GLIS3: variants seen among roughly 807,000 people sequenced by gnomAD.
The protein encoded by GLIS3 is zinc finger protein GLIS3.
Under a neutral mutation model 78.6 loss-of-function variants are expected in GLIS3, and 53 were observed. That is an observed-to-expected ratio of 0.67 (90% CI 0.54 to 0.85). The LOEUF (loss-of-function observed/expected upper bound fraction) is 0.85, where lower values mean the gene tolerates loss of function less well. GLIS3 is among the 40% of genes least tolerant of loss of function. The probability of loss-of-function intolerance (pLI) is 0.00; values close to 1 mark genes in which losing one functional copy is unlikely to be tolerated. For synonymous variants in GLIS3, 684 were observed against 509.9 expected (o/e 1.34, Z -4.60); for missense variants, 1,703 against 1,231.1 (o/e 1.38, Z -5.74).
chr9:3,922,630 G>C (rs948691563), intron 6 of GLIS3, among the ~76,000 whole-genome samples: 1 of 152,098 alleles, frequency 6.6e-6, no homozygotes, highest in Non-Finnish European at 1.5e-5. Context: ...GGGAAGGATA[G>C]GAGAGAAGTT....
At chr9:4,300,959 C>T (rs1817045546), upstream of GLIS3, among the ~76,000 whole-genome samples, 2 of 152,004 alleles carry the variant, frequency 1.3e-5, no homozygotes, top group African/African-American at 4.8e-5. Flanking sequence ...TTCACAAGTC[C>T]TTATATTCTA....
At chr9:4,421,727 A>G in the GLIS3 span, among the ~76,000 whole-genome samples, 1 of 152,214 alleles carries the variant, frequency 6.6e-6, no homozygotes, top group South Asian at 2.1e-4. Flanking sequence ...TAGACACAGA[A>G]AAGTCCCTTC....
intron 2 of GLIS3, among the ~76,000 whole-genome samples, chr9:4,201,092 C>T (rs1304058154): frequency 6.6e-6 from 1 of 152,160 alleles, no homozygotes; most frequent in Non-Finnish European, 1.5e-5. Flanking sequence ...ACCACTCGAT[C>T]ATCTCAATAG....
chr9:4,153,301 C>T (rs1348465422), intron 2 of GLIS3, among the ~76,000 whole-genome samples: 1 of 152,168 alleles, frequency 6.6e-6, no homozygotes, highest in Non-Finnish European at 1.5e-5. Context: ...TGGTGGCTCA[C>T]ACCTGTAATC....
intron 2 of GLIS3, among the ~76,000 whole-genome samples, chr9:4,345,056 T>C (rs1817880706): frequency 6.6e-6 from 1 of 152,208 alleles, no homozygotes; most frequent in African/African-American, 2.4e-5. Flanking sequence ...ACCACGAAAA[T>C]GATTCCTTTA....
At chr9:3,945,528 G>GAGAT (rs1816233803) in intron 4 of GLIS3, among the ~76,000 whole-genome samples, 1 of 152,104 alleles carries the variant, frequency 6.6e-6, no homozygotes, top group South Asian at 2.1e-4. Context: ...TGTGTTCCAG[G>GAGAT]AGATAGACAT....
At chr9:4,473,388 G>T in the GLIS3 span, among the ~76,000 whole-genome samples, 1 of 150,022 alleles carries the variant, frequency 6.7e-6, no homozygotes, top group African/African-American at 2.4e-5. Context: ...AGAGGTTGCA[G>T]TGAGCCAAGA....
chr9:3,875,253 G>A (rs934755555), intron 8 of GLIS3, among the ~76,000 whole-genome samples: 2 of 152,222 alleles, frequency 1.3e-5, no homozygotes, highest in African/African-American at 4.8e-5. Flanking sequence ...GTGATGTAGT[G>A]TGCTGCTTAA....
chr9:4,460,228 G>A, the GLIS3 span, among the ~76,000 whole-genome samples: 2 of 151,948 alleles, frequency 1.3e-5, no homozygotes, highest in Non-Finnish European at 2.9e-5. Flanking sequence ...TGGAGAAAGG[G>A]GGCAATTCCT....
chr9:4,267,409 T>A (rs1826116267), intron 2 of GLIS3, among the ~76,000 whole-genome samples: 1 of 152,192 alleles, frequency 6.6e-6, no homozygotes, highest in South Asian at 2.1e-4. Context: ...TTCTAAGCAG[T>A]GCTTTGCCAG....
intron 2 of GLIS3, among the ~76,000 whole-genome samples, chr9:4,249,411 TG>T (rs1220680131): frequency 6.6e-6 from 1 of 152,222 alleles, no homozygotes; most frequent in Non-Finnish European, 1.5e-5. Context: ...ACTCATGATT[TG>T]GCTGTTTGTC....
chr9:4,471,095 G>A, the GLIS3 span, among the ~76,000 whole-genome samples: 697 of 152,156 alleles, frequency 4.6e-3, 8 homozygotes, highest in African/African-American at 0.015. Context: ...ACTGCTCAAC[G>A]AAATAAAAGA....
intron 6 of GLIS3, among the ~76,000 whole-genome samples, chr9:3,924,065 A>T (rs1825067518): frequency 6.6e-6 from 1 of 152,224 alleles, no homozygotes; most frequent in African/African-American, 2.4e-5. Flanking sequence ...ACCCCTGAAT[A>T]TAATTAGATT....
chr9:4,238,201 T>A (rs919991675), intron 2 of GLIS3, among the ~76,000 whole-genome samples: 1 of 152,138 alleles, frequency 6.6e-6, no homozygotes. Flanking sequence ...AAGAGCTTCC[T>A]GAGAGACCGA....
At chr9:4,359,166 A>G in the GLIS3 span, among the ~76,000 whole-genome samples, 1 of 152,064 alleles carries the variant, frequency 6.6e-6, no homozygotes, top group Non-Finnish European at 1.5e-5. Flanking sequence ...TTGTTCCAGT[A>G]TGTCCCACAC....
At chr9:3,840,346 C>T (rs1441880168) in intron 9 of GLIS3, among the ~76,000 whole-genome samples, 1 of 152,182 alleles carries the variant, frequency 6.6e-6, no homozygotes, top group Non-Finnish European at 1.5e-5. Context: ...GGCTGCTTGT[C>T]TTGGCCATCA....
At chr9:4,043,082 C>G (rs2130383499) in intron 4 of GLIS3, among the ~76,000 whole-genome samples, 1 of 152,280 alleles carries the variant, frequency 6.6e-6, no homozygotes, top group South Asian at 2.1e-4. Context: ...CCACAATGCT[C>G]TCAGCTGTGG....
At chr9:3,874,422 T>C (rs1211883405) in intron 8 of GLIS3, among the ~76,000 whole-genome samples, 4 of 152,224 alleles carry the variant, frequency 2.6e-5, no homozygotes, top group African/African-American at 4.8e-5. Flanking sequence ...GTATCCTTTA[T>C]AATGTCCTTT....
At chr9:4,439,896 T>C in the GLIS3 span, among the ~76,000 whole-genome samples, 3 of 152,202 alleles carry the variant, frequency 2.0e-5, no homozygotes, top group Non-Finnish European at 1.5e-5. Context: ...TTGCCCAGGC[T>C]GGTCTTGAAC....
Sources: gnomAD v4.1 joint callset for allele counts (sites outside exome capture counted in the v4.1 genomes callset) on GRCh38, gnomAD v4.1.1 for gene constraint, MANE v1.5 for transcripts, NCBI Gene and HGNC (gene_info 2026-07-23, HGNC 2026-07-21) for gene names.